Variants in CHD8 observed in about 807,000 individuals in gnomAD.
CHD8 encodes ATP-dependent chromatin remodeler CHD8.
CHD8 carries 31 observed loss-of-function variants against 279.2 expected under a neutral mutation model. That is an observed-to-expected ratio of 0.11 (90% CI 0.08 to 0.15). The LOEUF (loss-of-function observed/expected upper bound fraction) is 0.15. Among genes scored for constraint, CHD8 ranks in the 10% least tolerant of loss-of-function variants. CHD8 has a pLI of 1.00. For synonymous variants in CHD8, 1,081 were observed against 1,139.6 expected (o/e 0.95, Z 1.04); for missense variants, 2,146 against 3,230.5 (o/e 0.66, Z 8.14).
chr14:21,437,038 G>C, intron 1 of CHD8: 1 of 1,078,948 alleles, frequency 9.3e-7, no homozygotes, highest in Non-Finnish European at 1.3e-6. Flanking sequence ...CTCCAGGGTG[G>C]GGATGGCCAA....
chr14:21,441,356 T>A (rs1566453508), intron 1 of CHD8, among the ~76,000 whole-genome samples: 1 of 152,082 alleles, frequency 6.6e-6, no homozygotes, highest in East Asian at 1.9e-4. Flanking sequence ...CCTGCTTAAG[T>A]TACCCAAAAG....
rs571592579 is a variant in CHD8 at position 21,414,486 on chromosome 14, T to C, written c.2025-68A>G. 69 of 845,128 alleles carry C rather than the reference T, an allele frequency of 8.2e-5. No homozygotes were observed. In the Admixed American group the frequency reaches 9.1e-4, roughly 11 times the overall value. The allele number at this position is 845,128 out of a possible 1,614,324, so 52.4% of individuals were successfully genotyped here. On this transcript the variant is annotated intron_variant, in intron 8 of 37. Transcript: ENST00000646647. ...AGGTGGCAGGCTACTGTCTGAAATT[T>C]TGGGATTAGTCAGAAGCAGACATAA...
At position 21,386,168 on chromosome 14, in the gene CHD8, G is replaced by C; in HGVS notation, c.7191C>G (p.His2397Gln). The change falls in exon 38 of 38, where the codon CAC becomes CAG. Residue 2397 changes from histidine to glutamine, a missense_variant. Transcript: ENST00000646647. ...ANSRNGKKGHHTETVFNRVLP... is the reference protein window; with the variant it reads ...ANSRNGKKGHQTETVFNRVLP... ...AAACCCGGTTGAACACCGTTTCAGT[G>C]TGATGACCCTAGGAGGAGGGAATAG... The C allele has an allele frequency of 1.9e-6, 3 of 1,551,740 alleles. No homozygotes were observed. The highest frequency in any genetic ancestry group is 2.6e-6 in the Non-Finnish European group (3 of 1,146,980).
chr14:21,386,763 C>T (rs573092838), intron 37 of CHD8, among the ~76,000 whole-genome samples: 18 of 151,260 alleles, frequency 1.2e-4, no homozygotes, highest in African/African-American at 2.4e-4. Context: ...GGTGTGAACC[C>T]GGGAGGCAGA....
intron 37 of CHD8, among the ~76,000 whole-genome samples, chr14:21,389,106 C>T (rs1887411248): frequency 1.3e-5 from 2 of 151,476 alleles, no homozygotes; most frequent in South Asian, 2.1e-4. Flanking sequence ...TCGAGACCAG[C>T]CTGACCAACA....
chr14:21,413,282 C>T (rs1273516357), intron 9 of CHD8, among the ~76,000 whole-genome samples: 2 of 152,108 alleles, frequency 1.3e-5, no homozygotes, highest in Non-Finnish European at 2.9e-5. Flanking sequence ...ATCCCTCTAC[C>T]GAGTCATTGC....
rs572829047 is a variant in CHD8 at position 21,424,681 on chromosome 14, C to T, written c.1716+1447G>A. 1.9e-3 allele frequency among the ~76,000 whole-genome samples: 289 copies of T among 152,238 alleles called. 1 individual carries two copies. Among genetic ancestry groups the T allele is most frequent in the African/African-American group, 6.7e-3 (280 of 41,536 alleles). On this transcript the variant is annotated intron_variant, in intron 5 of 37. Coordinates refer to ENST00000646647, the MANE Select transcript of CHD8 (RefSeq NM_001170629.2). The stretch of plus-strand genomic sequence containing the variant: ...AGAGACGGGGTTTCACCGTGTTAGC[C>T]AGGATGGTCTCAATCTCCTGACCTC...
At chr14:21,447,652 G>A (rs559731754) in intron 1 of CHD8, among the ~76,000 whole-genome samples, 6 of 152,154 alleles carry the variant, frequency 3.9e-5, no homozygotes, top group Admixed American at 1.3e-4. Flanking sequence ...GATTACAGGC[G>A]TGAGCCACTG....
Position 21,393,964 on chromosome 14 carries a change from T to C in CHD8, c.5831A>G (p.Gln1944Arg). ...LRGAARHGVS[Q>R]TDCNIMQDPD... is the part of the protein sequence containing the mutation. ...GTCCTGCATGATGTTGCAGTCTGTTTGGCTCACCCCATGGCGGGCTGCCCC... is the reference window on the plus strand; with the variant it reads ...GTCCTGCATGATGTTGCAGTCTGTTCGGCTCACCCCATGGCGGGCTGCCCC... Residue 1944 changes from glutamine to arginine, a missense_variant, in exon 32 of 38, where the codon CAA becomes CGA. By Grantham distance (43) the Gln-to-Arg change is conservative (BLOSUM62 1). Around this residue, in one of 26 missense-constraint regions of CHD8, gnomAD observed 513 missense variants for 637.6 expected, o/e 0.80. Transcript: ENST00000646647. 1 of 1,613,964 alleles carries C rather than the reference T, an allele frequency of 6.2e-7. No homozygotes were observed. Among genetic ancestry groups the C allele is most frequent in the Non-Finnish European group, 8.5e-7 (1 of 1,179,886 alleles).
chr14:21,397,838 G>C lies in CHD8; in HGVS notation c.5036C>G (p.Ser1679Cys), dbSNP rs1029806535. Residue 1679 changes from serine (S) to cysteine (C), a missense_variant, in exon 27 of 38, where the codon TCT becomes TGT. Transcript: ENST00000646647. ...AAEHRVLDNF[S>C]DIVEGVDFDK... Reference sequence around the variant, plus strand: ...TAATGCTTACCCTTCTACTATGTCAGAGAAGTTATCCAACACTCGATGTTC... The same window carrying C: ...TAATGCTTACCCTTCTACTATGTCACAGAAGTTATCCAACACTCGATGTTC... 2 of 1,613,522 alleles carry C rather than the reference G, an allele frequency of 1.2e-6. No individual in the cohort carries two copies. Among genetic ancestry groups the C allele is most frequent in the African/African-American group, 2.7e-5 (2 of 74,926 alleles).
intron 37 of CHD8, among the ~76,000 whole-genome samples, chr14:21,389,701 G>GA (rs574211598): frequency 7.9e-4 from 120 of 152,310 alleles, no homozygotes; most frequent in African/African-American, 2.7e-3. Flanking sequence ...AAATTTGGTG[G>GA]AAAGAATAAA....
rs1188087802 is a variant in CHD8 at position 21,402,356 on chromosome 14, G to A, written c.3862C>T (p.Arg1288Trp). 3.7e-6 allele frequency: 6 copies of A among 1,613,850 alleles called. No homozygotes were observed. The highest frequency in any genetic ancestry group is 4.2e-6 in the Non-Finnish European group (5 of 1,179,876). ...DKAVLQSMSGRDGNITGIQQF... is the reference protein window; with the variant it reads ...DKAVLQSMSGWDGNITGIQQF... ...CTCACTCCAGTAATGTTGCCATCCC[G>A]ACCACTCATGGATTGAAGCACAGCC... Residue 1288 changes from arginine to tryptophan, a missense_variant, in exon 19 of 38, where the codon CGG (arginine) becomes TGG (tryptophan). By Grantham distance (101) the Arg-to-Trp change is moderately radical (BLOSUM62 -3). This residue lies in a region of CHD8 where 35 missense variants were observed against 82.4 expected (regional missense o/e 0.42). Transcript: ENST00000646647. The surrounding 1 kb of genome is among the most constrained non-coding windows in gnomAD (Gnocchi z 4.5).
In CHD8 at chr14:21,402,540, TATC is replaced by T. The variant is rs1423093177; in HGVS notation, c.3715-40_3715-38del. 6.5e-7 allele frequency: 1 copy of T among 1,537,992 alleles called. No homozygotes were observed. The highest frequency in any genetic ancestry group is 8.7e-7 in the Non-Finnish European group (1 of 1,142,864). ...TAAAAACGAAAGGAAAGGAGAAAGA[TATC>T]ATAAAATTAGCAAGGGAAAGGATAC... On this transcript the variant is annotated intron_variant, in intron 18 of 37. Transcript: ENST00000646647. This position sits in a 1 kb window ranked among gnomAD's most constrained non-coding sequence, Gnocchi z 4.5.
At position 21,430,960 on chromosome 14, in the gene CHD8, G is replaced by T; in HGVS notation, c.684C>A (p.Val228=). 6.3e-7 allele frequency: 1 copy of T among 1,599,578 alleles called. No individual in the cohort carries two copies. Among genetic ancestry groups the T allele is most frequent in the South Asian group, 1.1e-5 (1 of 91,076 alleles). The change falls in exon 2 of 38, where the codon GTC becomes GTA. Residue 228 remains valine (V), a synonymous_variant. Transcript: ENST00000646647. ...VSGNTVLAAK[V]PGNQAAVQRI... is the part of the protein sequence containing the mutation. ...GCTGAACAGCAGCCTGGTTCCCAGG[G>T]ACCTTGGCGGCCAACACTGTATTAC... is the stretch of plus-strand genomic sequence containing the variant.
intron 1 of CHD8, among the ~76,000 whole-genome samples, chr14:21,454,163 AAAAGAAAAG>A (rs1456527179): frequency 2.0e-4 from 3 of 14,646 alleles, no homozygotes; most frequent in African/African-American, 1.0e-3. Context: ...GTCTCAAAAA[AAAAGAAAAG>A]AAAAGAAAAG....
At position 21,434,598 on chromosome 14, in the gene CHD8, A is replaced by C. The variant is rs961907659; in HGVS notation, c.-215-2740T>G. On this transcript the variant is annotated intron_variant, in intron 1 of 37. Transcript: ENST00000646647. ...TTTAAAGATCAATGCATTGTCATTT[A>C]TCTCTCCCTTCCCAATTTTCGAACC... Among the ~76,000 whole-genome samples, 6 of 151,980 alleles carry C rather than the reference A, an allele frequency of 3.9e-5. 1 individual carries two copies. The South Asian group carries it at 1.2e-3, about 32-fold the overall frequency.
chr14:21,403,385 A>T lies in CHD8; in HGVS notation c.3518+68T>A. 1 of 1,348,062 alleles carries T rather than the reference A, an allele frequency of 7.4e-7. No individual in the cohort carries two copies. The highest frequency in any genetic ancestry group is 1.0e-6 in the Non-Finnish European group (1 of 964,568). The allele number at this position is 1,348,062 out of a possible 1,614,324, so 83.5% of individuals were successfully genotyped here. On this transcript the variant is annotated intron_variant, in intron 17 of 37. Coordinates refer to ENST00000646647, the MANE Select transcript of CHD8 (RefSeq NM_001170629.2). The surrounding 1 kb of genome is among the most constrained non-coding windows in gnomAD (Gnocchi z 4.3). ...CAATTGGTGAACTCTAATTAAATCC[A>T]GGCCCTCCTACTTTTTGCTGCTTTA...
chr14:21,404,447 C>T (rs1261944975), intron 16 of CHD8, among the ~76,000 whole-genome samples: 4 of 138,082 alleles, frequency 2.9e-5, no homozygotes, highest in African/African-American at 5.4e-5. Flanking sequence ...ATGTGTCATA[C>T]AAAATACACT....
chr14:21,385,930 T>C lies in CHD8; in HGVS notation c.7429A>G (p.Met2477Val), dbSNP rs1178388462. ...TGAGGGGATGATGGTGCACCACCCATCACAAATGGCATAAAAGGCAAAGAT... is the reference window on the plus strand; with the variant it reads ...TGAGGGGATGATGGTGCACCACCCACCACAAATGGCATAAAAGGCAAAGAT... ...SASLPFMPFV[M>V]GGAPSSPHVD... The change falls in exon 38 of 38, where the codon ATG becomes GTG. Residue 2477 changes from methionine to valine, a missense_variant. By Grantham distance (21) the Met-to-Val change is conservative. Coordinates refer to ENST00000646647, the MANE Select transcript of CHD8 (RefSeq NM_001170629.2). 5 of 1,553,570 alleles carry C rather than the reference T, an allele frequency of 3.2e-6. No individual in the cohort carries two copies. In the Admixed American group the frequency reaches 5.9e-5, roughly 18 times the overall value.
Sources: allele counts gnomAD v4.1 joint callset (sites outside exome capture counted in the v4.1 genomes callset), GRCh38; gene constraint gnomAD v4.1.1; regional missense constraint gnomAD v4.1.1; non-coding constraint Gnocchi (gnomAD v3.1); transcripts MANE v1.5; gene names NCBI Gene and HGNC (gene_info 2026-07-23, HGNC 2026-07-21).